The following CPSF7 variants were observed in gnomAD, a reference collection of about 807,000 sequenced individuals.
The protein encoded by CPSF7 is cleavage and polyadenylation specific factor 7.
CPSF7 carries 1 observed loss-of-function variant against 44.3 expected under a neutral mutation model. The ratio of observed to expected loss-of-function variants is 0.02; its 90% CI spans 0.01 to 0.11. CPSF7 has a LOEUF of 0.11. Ranked by LOEUF, CPSF7 falls within the 10% of genes least tolerant of loss-of-function variation. The pLI is 1.00. For synonymous variants in CPSF7, 202 were observed against 222.0 expected (o/e 0.91, Z 0.80); for missense variants, 443 against 607.2 (o/e 0.73, Z 2.84).
chr11:61,412,776 T>TA (rs1859971608), intron 7 of CPSF7, among the ~76,000 whole-genome samples: 2 of 152,252 alleles, frequency 1.3e-5, no homozygotes, highest in African/African-American at 4.8e-5. Context: ...CAATAAATGT[T>TA]ATGTTATATG....
At chr11:61,423,328 A>G (rs1254639886) in intron 2 of CPSF7, among the ~76,000 whole-genome samples, 1 of 151,778 alleles carries the variant, frequency 6.6e-6, no homozygotes, top group Non-Finnish European at 1.5e-5. Flanking sequence ...ACACACCACC[A>G]TGCCCAGCTA....
intron 5 of CPSF7, 115 bp downstream of exon 5, chr11:61,419,834 C>G (rs531313618): frequency 2.2e-6 from 3 of 1,349,424 alleles, no homozygotes; most frequent in Non-Finnish European, 3.1e-6. Flanking sequence ...TCACCCTCCC[C>G]CAAACTCACC....
chr11:61,402,847 TG>T lies in CPSF7; in HGVS notation c.*1862del, dbSNP rs985203893. 3.3e-5 allele frequency: 5 copies of T among 152,488 alleles called. No homozygotes were observed. The highest frequency in any genetic ancestry group is 1.2e-4 in the African/African-American group (5 of 41,396). The allele number at this position is 152,488 out of a possible 1,614,324, so 9.4% of individuals were successfully genotyped here. On this transcript the variant is annotated 3_prime_UTR_variant, in exon 10 of 10. Transcript: ENST00000439958. ...GAGGGATGGGTGTTTTTTTTCCTTT[TG>T]CTATCAGGAAATAAAACTAAAAATG... is the stretch of plus-strand genomic sequence containing the variant.
rs377689148 is a variant in CPSF7 at position 61,429,304 on chromosome 11, A to C, written c.-55-14T>G. On this transcript the variant is annotated splice_polypyrimidine_tract_variant and intron_variant, in intron 1 of 9. Transcript: ENST00000439958. Reference sequence around the variant, plus strand: ...AGGAAGATGCCACTGCGGGATTCGGAAAAATGCAAGAATTAGAAGGCACGA... The same window carrying C: ...AGGAAGATGCCACTGCGGGATTCGGCAAAATGCAAGAATTAGAAGGCACGA... The C allele has an allele frequency of 2.0e-6, 3 of 1,528,898 alleles. No individual in the cohort carries two copies. The highest frequency in any genetic ancestry group is 1.7e-5 in the Admixed American group (1 of 59,876). The allele number at this position is 1,528,898 out of a possible 1,614,324, so 94.7% of individuals were successfully genotyped here. A position where few individuals can be genotyped will look rare whatever the true frequency, so the allele number is the denominator to read the frequency against.
At chr11:61,429,041 G>C in intron 2 of CPSF7, 141 bp downstream of exon 2, 1 of 556,770 alleles carries the variant, frequency 1.8e-6, no homozygotes. Flanking sequence ...AGTCTTTAAA[G>C]TTTCTGCAGG....
At chr11:61,414,851 C>T (rs547869954) in intron 7 of CPSF7, among the ~76,000 whole-genome samples, 1 of 152,296 alleles carries the variant, frequency 6.6e-6, no homozygotes, top group Admixed American at 6.5e-5. Flanking sequence ...GCATAACATG[C>T]CTTAAGATGA....
At chr11:61,424,437 G>C (rs565606824) in intron 2 of CPSF7, among the ~76,000 whole-genome samples, 26 of 152,264 alleles carry the variant, frequency 1.7e-4, no homozygotes, top group African/African-American at 5.8e-4. Flanking sequence ...TCCTTAGAAA[G>C]CACTACTTCA....
Position 61,403,076 on chromosome 11 carries a change from TGGGGTTGGGGGACAG to T in CPSF7, c.*1619_*1633del, listed in dbSNP as rs951421436. ...CCATGTTCTGAAGTGGAGGTGGGGA[TGGGGTTGGGGGACAG>T]GGGAAAAAAAGCTCCAACCTGTAGC... On this transcript the variant is annotated 3_prime_UTR_variant, in exon 10 of 10. Transcript: ENST00000439958. 1.0e-4 allele frequency: 14 copies of T among 137,880 alleles called. No homozygotes were observed. The highest frequency in any genetic ancestry group is 9.8e-4 in the Admixed American group (13 of 13,248). 8.5% of individuals were successfully genotyped at this position (137,880 alleles called of 1,614,324 possible).
rs910714613 is a variant in CPSF7, at chr11:61,403,918, G to A, written c.*792C>T. The A allele has an allele frequency of 3.9e-5, 6 of 152,748 alleles. No homozygotes were observed. The highest frequency in any genetic ancestry group is 3.9e-4 in the Admixed American group (6 of 15,296). The allele number at this position is 152,748 out of a possible 1,614,324, so 9.5% of individuals were successfully genotyped here. A position where few individuals can be genotyped will look rare whatever the true frequency, so the allele number is the denominator to read the frequency against. Reference sequence around the variant, plus strand: ...CAGGGAAAGGGAACAACTAAGAGCTGGTTATTGCAAGAGGTACCCAAGCAC... The same window carrying A: ...CAGGGAAAGGGAACAACTAAGAGCTAGTTATTGCAAGAGGTACCCAAGCAC... On this transcript the variant is annotated 3_prime_UTR_variant, in exon 10 of 10. Coordinates refer to ENST00000439958, the MANE Select transcript of CPSF7 (RefSeq NM_001142565.3).
chr11:61,415,099 G>A (rs1246942957), intron 7 of CPSF7, among the ~76,000 whole-genome samples: 2 of 152,128 alleles, frequency 1.3e-5, no homozygotes, highest in African/African-American at 2.4e-5. Context: ...TTAGCCGGGC[G>A]TGGTGGCAAG....
intron 2 of CPSF7, among the ~76,000 whole-genome samples, chr11:61,427,657 A>T (rs1387771691): frequency 2.7e-5 from 4 of 147,696 alleles, no homozygotes; most frequent in African/African-American, 7.4e-5. Context: ...TGTCTCAAGA[A>T]AAAAAAAAAA....
At chr11:61,429,870 C>T (rs1324069187) in intron 1 of CPSF7, 44 bp downstream of exon 1, 3 of 1,535,762 alleles carry the variant, frequency 2.0e-6, no homozygotes, top group Admixed American at 2.0e-5. Flanking sequence ...CGGCCCGGAC[C>T]CCTCTTCCGG....
At chr11:61,409,283 C>G (rs1565099583) in intron 9 of CPSF7, among the ~76,000 whole-genome samples, 2 of 151,886 alleles carry the variant, frequency 1.3e-5, no homozygotes, top group Non-Finnish European at 2.9e-5. Flanking sequence ...ACCAGCCTGG[C>G]CGAGATGATG....
At chr11:61,411,988 A>C in intron 7 of CPSF7, 51 bp from the exon 8 acceptor site, 1 of 1,532,424 alleles carries the variant, frequency 6.5e-7, no homozygotes, top group Non-Finnish European at 9.0e-7. Flanking sequence ...ATGGTAAACT[A>C]ACTGGACCAA....
At chr11:61,415,416 TATTA>T (rs1860231759) in intron 7 of CPSF7, among the ~76,000 whole-genome samples, 1 of 152,128 alleles carries the variant, frequency 6.6e-6, no homozygotes, top group South Asian at 2.1e-4. Flanking sequence ...ATCGAGATGG[TATTA>T]ATTATTTATA....
intron 9 of CPSF7, among the ~76,000 whole-genome samples, chr11:61,406,474 T>C (rs975227367): frequency 1.3e-5 from 2 of 152,214 alleles, no homozygotes; most frequent in Non-Finnish European, 2.9e-5. Context: ...TAAGAGTCCT[T>C]AGGGTGAGAA....
rs768518658 is a variant in CPSF7, at chr11:61,421,473, T to C, written c.190A>G (p.Asn64Asp). 3 of 1,614,166 alleles carry C rather than the reference T, an allele frequency of 1.9e-6. No individual in the cohort carries two copies. The highest frequency in any genetic ancestry group is 2.5e-6 in the Non-Finnish European group (3 of 1,180,022). ...PVRQEPSPKP[N>D]NKTPAILYTY... The stretch of plus-strand genomic sequence containing the variant: ...TACAGAATTGCAGGGGTCTTGTTGT[T>C]GGGCTTGGGAGATGGCTCCTGGCGA... Residue 64 changes from asparagine (N) to aspartate (D), a missense_variant, in exon 3 of 10, where the codon AAC becomes GAC. Physicochemically the swap from Asn to Asp is conservative, Grantham distance 23 (BLOSUM62 1). Transcript: ENST00000439958.
chr11:61,429,943 C>G lies in CPSF7; in HGVS notation c.-85G>C. On this transcript the variant is annotated 5_prime_UTR_variant, in exon 1 of 10. Coordinates refer to ENST00000439958, the MANE Select transcript of CPSF7 (RefSeq NM_001142565.3). ...AATATGGCGGCGGCGGCGGCGAGTC[C>G]GGACTAGGCCCGAAGCGCGCGAACC... 1 of 1,394,140 alleles carries G rather than the reference C, an allele frequency of 7.2e-7. No individual in the cohort carries two copies. The highest frequency in any genetic ancestry group is 1.4e-5 in the South Asian group (1 of 73,438). 86.4% of individuals were successfully genotyped at this position (1,394,140 alleles called of 1,614,324 possible).
In CPSF7 at chr11:61,402,998, G is replaced by A. The variant is rs1859012310; in HGVS notation, c.*1712C>T. 1.3e-5 allele frequency: 2 copies of A among 152,240 alleles called. No individual in the cohort carries two copies. Among genetic ancestry groups the A allele is most frequent in the Admixed American group, 6.6e-5 (1 of 15,242 alleles). 9.4% of individuals were successfully genotyped at this position (152,240 alleles called of 1,614,324 possible). ...TTTCTCTACATTTTAAAAGACACCC[G>A]GAGTTGCTCTCAATAAGCACATCAC... On this transcript the variant is annotated 3_prime_UTR_variant, in exon 10 of 10. Transcript: ENST00000439958.
Sources: gnomAD v4.1 joint callset for allele counts (sites outside exome capture counted in the v4.1 genomes callset) on GRCh38, gnomAD v4.1.1 for gene constraint, MANE v1.5 for transcripts, NCBI Gene and HGNC (gene_info 2026-07-23, HGNC 2026-07-21) for gene names.